Variants in NAALADL2 observed in about 807,000 individuals in gnomAD.
NAALADL2 encodes the protein inactive N-acetylated-alpha-linked acidic dipeptidase-like protein 2.
A neutral mutation model predicts 87.2 loss-of-function variants in NAALADL2; 76 were observed. The observed-to-expected ratio is 0.87, with a 90% CI of 0.72 to 1.05. The LOEUF is 1.05. NAALADL2 is among the 50% of genes least tolerant of loss of function. The pLI, the probability that NAALADL2 is intolerant of heterozygous loss-of-function variation, is 0.00. For synonymous variants in NAALADL2, 354 were observed against 331.0 expected (o/e 1.07, Z -0.75); for missense variants, 1,089 against 945.8 (o/e 1.15, Z -1.99).
chr3:175,393,649 T>A (rs572503580), intron 5 of NAALADL2, among the ~76,000 whole-genome samples: 1 of 152,146 alleles, frequency 6.6e-6, no homozygotes, highest in Non-Finnish European at 1.5e-5. Context: ...TATTTGAGAG[T>A]AAATTATCTC....
chr3:175,636,420 G>A (rs1428969209), intron 11 of NAALADL2, among the ~76,000 whole-genome samples: 3 of 151,886 alleles, frequency 2.0e-5, no homozygotes, highest in African/African-American at 4.8e-5. Flanking sequence ...AGGAATCGGC[G>A]GGGCACGGTG....
intron 2 of NAALADL2, among the ~76,000 whole-genome samples, chr3:175,129,583 C>T (rs1483418201): frequency 6.6e-6 from 1 of 152,146 alleles, no homozygotes; most frequent in East Asian, 1.9e-4. Flanking sequence ...AGTTATTTCA[C>T]TTAGCATAGT....
rs2149279255 is a variant in NAALADL2, at chr3:175,467,037, A to T, written c.1386A>T (p.Glu462Asp). ...HHTAHSYNGQEWASSTAIITA... is the reference protein window; with the variant it reads ...HHTAHSYNGQDWASSTAIITA... ...CTGCACACAGTTATAATGGACAAGA[A>T]TGGGCCAGTAGTACTGCAATAATCA... The change falls in exon 8 of 14, where the codon GAA (glutamate) becomes GAT (aspartate). Residue 462 changes from glutamate (E) to aspartate (D), a missense_variant. Coordinates refer to ENST00000454872, the MANE Select transcript of NAALADL2 (RefSeq NM_207015.3). The T allele has an allele frequency of 6.2e-7, 1 of 1,613,932 alleles. No individual in the cohort carries two copies. Among genetic ancestry groups the T allele is most frequent in the East Asian group, 2.2e-5 (1 of 44,864 alleles).
intron 9 of NAALADL2, among the ~76,000 whole-genome samples, chr3:175,567,383 T>C (rs1717327308): frequency 1.3e-5 from 2 of 152,052 alleles, no homozygotes; most frequent in Admixed American, 1.3e-4. Context: ...TTCTCTATTT[T>C]TTTTTTCTTA....
chr3:174,797,645 T>G lies in NAALADL2; in HGVS notation c.-9+59899T>G, dbSNP rs1363345530. Among the ~76,000 whole-genome samples, 3 of 152,160 alleles carry G rather than the reference T, an allele frequency of 2.0e-5. No individual in the cohort carries two copies. In the South Asian group the frequency reaches 6.2e-4, roughly 32 times the overall value. ...ATGTGATGCCTCCTGCTTTGTTCAG[T>G]TTGCTTAAGATTGCTTAGGCAATTT... On this transcript the variant is annotated intron_variant, in intron 3 of 3. Transcript: ENST00000434257.
chr3:174,772,695 C>T (rs1203561029), intron 3 of NAALADL2, among the ~76,000 whole-genome samples: 5 of 152,002 alleles, frequency 3.3e-5, no homozygotes, highest in African/African-American at 9.7e-5. Flanking sequence ...ATGAAGTCTG[C>T]GTTCTGGTAT....
At chr3:175,657,043 A>T (rs1192898180) in intron 11 of NAALADL2, among the ~76,000 whole-genome samples, 1 of 152,156 alleles carries the variant, frequency 6.6e-6, no homozygotes, top group Non-Finnish European at 1.5e-5. Flanking sequence ...ATATAAGAAA[A>T]CTAAAGGATC....
chr3:175,423,540 G>A (rs958942204), intron 5 of NAALADL2, among the ~76,000 whole-genome samples: 12 of 151,608 alleles, frequency 7.9e-5, no homozygotes, highest in African/African-American at 2.9e-4. Context: ...CCTTGCGATA[G>A]TTTACTGAGA....
intron 13 of NAALADL2, among the ~76,000 whole-genome samples, chr3:175,799,038 T>G (rs142614458): frequency 6.6e-6 from 1 of 152,040 alleles, no homozygotes; most frequent in South Asian, 2.1e-4. Flanking sequence ...ATTTAAGGAA[T>G]AGTTTTTGAT....
intron 10 of NAALADL2, among the ~76,000 whole-genome samples, chr3:175,585,524 T>C (rs140423821): frequency 6.6e-6 from 1 of 152,280 alleles, no homozygotes; most frequent in East Asian, 1.9e-4. Context: ...GAAAATAAAC[T>C]GATAATTTAT....
chr3:174,721,528 T>A (rs1393558024), intron 2 of NAALADL2, among the ~76,000 whole-genome samples: 4 of 152,164 alleles, frequency 2.6e-5, no homozygotes, highest in Admixed American at 1.3e-4. Flanking sequence ...AAGGAAGATA[T>A]GGCTCCTTGT....
At chr3:175,341,822 A>T (rs1430670558) in intron 5 of NAALADL2, among the ~76,000 whole-genome samples, 1 of 152,074 alleles carries the variant, frequency 6.6e-6, no homozygotes, top group African/African-American at 2.4e-5. Flanking sequence ...TCTCACATTT[A>T]GGTCATTTTG....
At chr3:175,180,924 T>C (rs993858047) in intron 2 of NAALADL2, among the ~76,000 whole-genome samples, 2 of 152,050 alleles carry the variant, frequency 1.3e-5, no homozygotes, top group Non-Finnish European at 2.9e-5. Context: ...ACATAGGTGA[T>C]AGACTGAGCT....
chr3:175,576,941 T>C (rs1265804907), intron 10 of NAALADL2, among the ~76,000 whole-genome samples: 1 of 152,212 alleles, frequency 6.6e-6, no homozygotes, highest in Non-Finnish European at 1.5e-5. Context: ...TCTTCAAATA[T>C]AAATGTTCCT....
intron 2 of NAALADL2, among the ~76,000 whole-genome samples, chr3:175,141,239 C>A (rs913318040): frequency 1.3e-5 from 2 of 152,032 alleles, no homozygotes; most frequent in African/African-American, 4.8e-5. Flanking sequence ...TTCTGGAGAA[C>A]CCATGCTACA....
At chr3:175,022,995 A>C (rs1394376791) in intron 1 of NAALADL2, among the ~76,000 whole-genome samples, 10 of 151,688 alleles carry the variant, frequency 6.6e-5, no homozygotes, top group Admixed American at 6.6e-4. Flanking sequence ...GGTTGTTTTG[A>C]CTCTTAGGAA....
chr3:174,753,322 C>T (rs545843908), intron 3 of NAALADL2, among the ~76,000 whole-genome samples: 15 of 152,256 alleles, frequency 9.9e-5, no homozygotes, highest in African/African-American at 3.4e-4. Context: ...TTGATCCAGC[C>T]GCCTTGGCCT....
chr3:175,415,926 C>A (rs115084194), intron 5 of NAALADL2, among the ~76,000 whole-genome samples: 2,826 of 143,400 alleles, frequency 0.02, 101 homozygotes, highest in African/African-American at 0.069. Flanking sequence ...ACAACCTGGT[C>A]AACATACTGC....
At chr3:174,803,526 A>T (rs1395725060) in intron 3 of NAALADL2, among the ~76,000 whole-genome samples, 2 of 152,082 alleles carry the variant, frequency 1.3e-5, no homozygotes, top group Non-Finnish European at 1.5e-5. Context: ...TTGGTGTTTT[A>T]GTCATGAAGT....
Sources: allele counts gnomAD v4.1 joint callset (sites outside exome capture counted in the v4.1 genomes callset), GRCh38; gene constraint gnomAD v4.1.1; transcripts MANE v1.5; gene names NCBI Gene and HGNC (gene_info 2026-07-23, HGNC 2026-07-21).